HDAC4: variants seen among roughly 807,000 people sequenced by gnomAD.
HDAC4 encodes histone deacetylase 4.
Under a neutral mutation model 135.1 loss-of-function variants are expected in HDAC4, and 16 were observed. The ratio of observed to expected loss-of-function variants is 0.12; its 90% CI spans 0.08 to 0.18. HDAC4 has a LOEUF of 0.18. Ranked by LOEUF, HDAC4 falls within the 10% of genes least tolerant of loss-of-function variation. HDAC4 has a pLI of 1.00. For synonymous variants in HDAC4, 685 were observed against 653.4 expected (o/e 1.05, Z -0.74); for missense variants, 1,143 against 1,511.8 (o/e 0.76, Z 4.05).
chr2:239,326,992 G>A (rs1418837360), intron 2 of HDAC4, among the ~76,000 whole-genome samples: 1 of 152,248 alleles, frequency 6.6e-6, no homozygotes, highest in Non-Finnish European at 1.5e-5. Context: ...GCAGGCATGA[G>A]AGGCACAGTC....
chr2:239,346,279 C>T (rs1224375716), intron 2 of HDAC4, among the ~76,000 whole-genome samples: 2 of 151,274 alleles, frequency 1.3e-5, no homozygotes, highest in African/African-American at 4.9e-5. Flanking sequence ...CCCTAACACA[C>T]ATACCACACC....
intron 22 of HDAC4, among the ~76,000 whole-genome samples, chr2:239,073,763 C>T (rs1012131243): frequency 5.9e-5 from 9 of 152,260 alleles, no homozygotes. Context: ...GTCGGCACTC[C>T]CGCCGCAGGG....
At chr2:239,388,636 T>C (rs1339278806) in intron 1 of HDAC4, among the ~76,000 whole-genome samples, 2 of 152,094 alleles carry the variant, frequency 1.3e-5, no homozygotes, top group African/African-American at 4.8e-5. Flanking sequence ...CCCTGATCCG[T>C]CCTCCACCAT....
intron 6 of HDAC4, among the ~76,000 whole-genome samples, chr2:239,157,717 T>C (rs926031219): frequency 2.0e-5 from 3 of 152,222 alleles, no homozygotes; most frequent in East Asian, 1.9e-4. Flanking sequence ...GTTAGACTAT[T>C]TGAATACATA....
intron 1 of HDAC4, among the ~76,000 whole-genome samples, chr2:239,396,155 T>G (rs927840136): frequency 2.0e-5 from 3 of 151,392 alleles, no homozygotes; most frequent in Non-Finnish European, 2.9e-5. Flanking sequence ...TTTTTTTTTT[T>G]GTAGAGATGA....
At chr2:239,224,539 G>A (rs972010361) in intron 3 of HDAC4, among the ~76,000 whole-genome samples, 1 of 152,158 alleles carries the variant, frequency 6.6e-6, no homozygotes, top group Admixed American at 6.5e-5. Flanking sequence ...AAGGAGGCCT[G>A]CCCTCACCAG....
At chr2:239,376,831 C>T (rs574750904) in intron 1 of HDAC4, among the ~76,000 whole-genome samples, 2 of 152,204 alleles carry the variant, frequency 1.3e-5, no homozygotes, top group South Asian at 4.2e-4. Flanking sequence ...GAACCAGACT[C>T]CCTGAGTAAG....
intron 2 of HDAC4, among the ~76,000 whole-genome samples, chr2:239,318,425 G>A (rs570461421): frequency 7.2e-5 from 11 of 152,276 alleles, no homozygotes; most frequent in Admixed American, 2.6e-4. Context: ...AGACTGTCCC[G>A]GAGCAAAGGG....
At chr2:239,105,798 G>A (rs2038073770) in intron 15 of HDAC4, among the ~76,000 whole-genome samples, 1 of 152,152 alleles carries the variant, frequency 6.6e-6, no homozygotes, top group African/African-American at 2.4e-5. Flanking sequence ...CTCTAACCAT[G>A]CCCCGTACCC....
At chr2:239,322,581 C>T (rs2053350195) in intron 2 of HDAC4, among the ~76,000 whole-genome samples, 1 of 152,210 alleles carries the variant, frequency 6.6e-6, no homozygotes, top group Non-Finnish European at 1.5e-5. Context: ...TTCCCACTGG[C>T]ACTGGGTGTG....
chr2:239,222,513 G>T, intron 3 of HDAC4, among the ~76,000 whole-genome samples: 1 of 106,344 alleles, frequency 9.4e-6, no homozygotes, highest in Non-Finnish European at 1.9e-5. Flanking sequence ...ACTATAAATA[G>T]AACCAGGCCT....
intron 12 of HDAC4, among the ~76,000 whole-genome samples, chr2:239,121,580 C>T (rs943926741): frequency 6.6e-6 from 1 of 152,232 alleles, no homozygotes; most frequent in Non-Finnish European, 1.5e-5. Flanking sequence ...ACAACATTCC[C>T]AGGTCTTTTT....
chr2:239,215,063 C>T (rs2046555003), intron 3 of HDAC4, among the ~76,000 whole-genome samples: 1 of 152,146 alleles, frequency 6.6e-6, no homozygotes, highest in African/African-American at 2.4e-5. Context: ...GACATTCGAG[C>T]GGCAGAATCA....
intron 2 of HDAC4, among the ~76,000 whole-genome samples, chr2:239,294,943 C>T (rs554460205): frequency 3.9e-5 from 6 of 152,234 alleles, no homozygotes; most frequent in South Asian, 2.1e-4. Context: ...CCAACGGCTT[C>T]GGGACAACGC....
intron 2 of HDAC4, among the ~76,000 whole-genome samples, chr2:239,334,158 A>C (rs572291314): frequency 2.0e-5 from 3 of 152,348 alleles, no homozygotes; most frequent in Admixed American, 1.3e-4. Flanking sequence ...TTGTGCTTCT[A>C]AACATTACAA....
intron 2 of HDAC4, among the ~76,000 whole-genome samples, chr2:239,295,252 A>G (rs967551496): frequency 7.5e-6 from 1 of 132,788 alleles, no homozygotes; most frequent in Non-Finnish European, 1.5e-5. Context: ...GCTTGCAGTG[A>G]GCCGAGATCG....
intron 2 of HDAC4, among the ~76,000 whole-genome samples, chr2:239,335,024 C>CAAAAA (rs35641548): frequency 3.2e-5 from 3 of 94,478 alleles, no homozygotes; most frequent in South Asian, 4.0e-4. Context: ...GACTCCATCT[C>CAAAAA]AAAAAAAAAA....
chr2:239,396,183 C>T (rs860936), intron 1 of HDAC4, among the ~76,000 whole-genome samples: 82,518 of 149,828 alleles, frequency 0.55, 25,241 homozygotes, highest in East Asian at 0.93. Flanking sequence ...ACTATGTTGC[C>T]CAGGCTGGTC....
chr2:239,160,700 T>G (rs184394369), intron 6 of HDAC4, among the ~76,000 whole-genome samples: 1 of 152,358 alleles, frequency 6.6e-6, no homozygotes, highest in Non-Finnish European at 1.5e-5. Context: ...CGGTAGCGTG[T>G]GCAGGGGCCC....
Sources: allele counts gnomAD v4.1 joint callset (sites outside exome capture counted in the v4.1 genomes callset), GRCh38; gene constraint gnomAD v4.1.1; transcripts MANE v1.5; gene names NCBI Gene and HGNC (gene_info 2026-07-23, HGNC 2026-07-21).